The following PTPRD variants were observed in gnomAD, a reference collection of about 807,000 sequenced individuals.
The protein encoded by PTPRD is receptor-type tyrosine-protein phosphatase delta.
In PTPRD, 34 loss-of-function variants were observed where a neutral mutation model predicts 214.5. That is an observed-to-expected ratio of 0.16 (90% CI 0.12 to 0.21). The LOEUF (loss-of-function observed/expected upper bound fraction) is 0.21. PTPRD is among the 10% of genes least tolerant of loss of function. The pLI is 1.00. For synonymous variants in PTPRD, 1,128 were observed against 845.7 expected (o/e 1.33, Z -5.79); for missense variants, 2,545 against 2,398.7 (o/e 1.06, Z -1.27).
rs191866605 is a variant in PTPRD, at chr9:9,925,342, A to G, written c.-368+13165T>C. 1.4e-4 allele frequency among the ~76,000 whole-genome samples: 22 copies of G among 152,200 alleles called. No individual in the cohort carries two copies. The East Asian group carries it at 2.3e-3, about 16-fold the overall frequency. ...AAAAACAAAAATGTGTATATTTAAT[A>G]TAGTCAAAGTTGAGTTTTTAAGGTA... is the stretch of plus-strand genomic sequence containing the variant. On this transcript the variant is annotated intron_variant, in intron 5 of 45. Transcript: ENST00000381196.
rs1444821725 is a variant in PTPRD, at chr9:10,525,175, G to C, written c.-600+87223C>G. The stretch of plus-strand genomic sequence containing the variant: ...TATTATTTAATTTCCCAGGATTCTA[G>C]TTATCAGATTTGTCAAGCCATATAA... On this transcript the variant is annotated intron_variant, in intron 2 of 45. Coordinates refer to ENST00000381196, the MANE Select transcript of PTPRD (RefSeq NM_002839.4). 2.0e-5 allele frequency among the ~76,000 whole-genome samples: 3 copies of C among 151,808 alleles called. No homozygotes were observed. In the East Asian group the frequency reaches 5.8e-4, roughly 29 times the overall value.
At chr9:8,402,088 T>C (rs1480850150) in intron 36 of PTPRD, among the ~76,000 whole-genome samples, 1 of 152,204 alleles carries the variant, frequency 6.6e-6, no homozygotes, top group Non-Finnish European at 1.5e-5. Context: ...CAAGAATACC[T>C]GCTGGTTAGC....
intron 3 of PTPRD, among the ~76,000 whole-genome samples, chr9:10,273,845 T>C (rs2094541617): frequency 6.6e-6 from 1 of 152,184 alleles, no homozygotes; most frequent in Admixed American, 6.5e-5. Flanking sequence ...TGATGTACTT[T>C]ATTGAGATAA....
intron 6 of PTPRD, among the ~76,000 whole-genome samples, chr9:9,764,737 T>G (rs1461538676): frequency 6.6e-6 from 1 of 152,196 alleles, no homozygotes; most frequent in Non-Finnish European, 1.5e-5. Flanking sequence ...CTTAGGTAGC[T>G]TCTCCAGGAT....
intron 3 of PTPRD, among the ~76,000 whole-genome samples, chr9:10,103,774 T>C (rs533053489): frequency 2.4e-4 from 37 of 151,668 alleles, no homozygotes; most frequent in Non-Finnish European, 5.2e-4. Context: ...CCAGACACTC[T>C]TCCACAGGCC....
At position 8,316,971 on chromosome 9, in the gene PTPRD, ATATATATG is replaced by A. The variant is rs1310597430; in HGVS notation, c.*895_*902del. On this transcript the variant is annotated 3_prime_UTR_variant, in exon 46 of 46. Coordinates refer to ENST00000381196, the MANE Select transcript of PTPRD (RefSeq NM_002839.4). ...ACATAGACACCCTTATAAAATATGG[ATATATATG>A]TATATATGTTAGCAGCAACTTTATA... 1.3e-5 allele frequency: 3 copies of A among 231,370 alleles called. No individual in the cohort carries two copies. Among genetic ancestry groups the A allele is most frequent in the Admixed American group, 5.6e-5 (1 of 17,712 alleles). 14.3% of individuals were successfully genotyped at this position (231,370 alleles called of 1,614,324 possible).
At chr9:9,482,854 C>G (rs1389180597) in intron 8 of PTPRD, among the ~76,000 whole-genome samples, 1 of 152,068 alleles carries the variant, frequency 6.6e-6, no homozygotes, top group Non-Finnish European at 1.5e-5. Flanking sequence ...CACAATTATG[C>G]AAATAAGTAA....
At chr9:10,546,928 G>A (rs1453458696) in intron 2 of PTPRD, among the ~76,000 whole-genome samples, 1 of 152,040 alleles carries the variant, frequency 6.6e-6, no homozygotes, top group Non-Finnish European at 1.5e-5. Context: ...ATTTGACCAA[G>A]TTTGACCAGC....
chr9:9,987,441 A>G (rs2095756041), intron 4 of PTPRD, among the ~76,000 whole-genome samples: 1 of 152,142 alleles, frequency 6.6e-6, no homozygotes, highest in Non-Finnish European at 1.5e-5. Context: ...AGTCACGTCT[A>G]ACATGGAAGG....
Position 10,072,194 on chromosome 9 carries a change from T to A in PTPRD, c.-544-38404A>T, listed in dbSNP as rs561544986. 2.0e-5 allele frequency among the ~76,000 whole-genome samples: 3 copies of A among 152,050 alleles called. No homozygotes were observed. The South Asian group carries it at 6.2e-4, about 32-fold the overall frequency. ...CCATTCAAAACATAAGCAAAAGATA[T>A]AGGTGGCAAGTTAAGTATATGAAAA... On this transcript the variant is annotated intron_variant, in intron 3 of 45. Coordinates refer to ENST00000381196, the MANE Select transcript of PTPRD (RefSeq NM_002839.4).
intron 2 of PTPRD, among the ~76,000 whole-genome samples, chr9:10,357,051 G>T (rs1213160205): frequency 5.3e-5 from 8 of 152,056 alleles, no homozygotes; most frequent in African/African-American, 1.7e-4. Context: ...ACTTATAAAT[G>T]ATGTAAATAT....
At chr9:9,411,964 G>A (rs2075574609) in intron 8 of PTPRD, among the ~76,000 whole-genome samples, 1 of 152,200 alleles carries the variant, frequency 6.6e-6, no homozygotes, top group Non-Finnish European at 1.5e-5. Context: ...ACTGAGGCCA[G>A]GAAAAGGTCA....
intron 3 of PTPRD, among the ~76,000 whole-genome samples, chr9:10,290,874 C>A (rs1046415263): frequency 1.3e-5 from 2 of 151,992 alleles, no homozygotes; most frequent in African/African-American, 4.8e-5. Flanking sequence ...CATGCAAAAT[C>A]CTACAGATAC....
intron 8 of PTPRD, among the ~76,000 whole-genome samples, chr9:9,520,286 G>T (rs377044553): frequency 1.3e-5 from 1 of 75,852 alleles, no homozygotes; most frequent in African/African-American, 3.1e-5. Flanking sequence ...TATATATTAA[G>T]TTATATATAT....
At chr9:9,856,354 G>A (rs553349406) in intron 5 of PTPRD, among the ~76,000 whole-genome samples, 2 of 152,126 alleles carry the variant, frequency 1.3e-5, no homozygotes, top group African/African-American at 4.8e-5. Flanking sequence ...CTCACTTTGA[G>A]CCACGGTCTC....
intron 7 of PTPRD, among the ~76,000 whole-genome samples, chr9:9,692,597 T>A (rs1349195541): frequency 6.6e-6 from 1 of 151,924 alleles, no homozygotes; most frequent in African/African-American, 2.4e-5. Context: ...TCAGCATAGC[T>A]TGGCTAGTCT....
chr9:10,364,972 T>C (rs2097486551), intron 2 of PTPRD, among the ~76,000 whole-genome samples: 1 of 152,188 alleles, frequency 6.6e-6, no homozygotes, highest in Admixed American at 6.5e-5. Context: ...ATAAGCGCTG[T>C]GCTGAATGAT....
intron 9 of PTPRD, among the ~76,000 whole-genome samples, chr9:9,188,285 A>G (rs893510015): frequency 6.6e-6 from 1 of 152,092 alleles, no homozygotes; most frequent in Admixed American, 6.6e-5. Context: ...TTGCTGATGG[A>G]CATTGGGTAA....
intron 3 of PTPRD, among the ~76,000 whole-genome samples, chr9:10,221,043 G>A (rs2154348999): frequency 6.6e-6 from 1 of 152,092 alleles, no homozygotes; most frequent in Middle Eastern, 3.4e-3. Context: ...TTTACTAGTG[G>A]TTTGAGATGC....
Sources: allele counts gnomAD v4.1 joint callset (sites outside exome capture counted in the v4.1 genomes callset), GRCh38; gene constraint gnomAD v4.1.1; transcripts MANE v1.5; gene names NCBI Gene and HGNC (gene_info 2026-07-23, HGNC 2026-07-21).